The following PRKAR2A variants were observed in gnomAD, a reference collection of about 807,000 sequenced individuals.
PRKAR2A encodes the protein protein kinase cAMP-dependent type II regulatory subunit alpha.
PRKAR2A carries 29 observed loss-of-function variants against 51.9 expected under a neutral mutation model. The observed-to-expected ratio is 0.56, with a 90% CI of 0.42 to 0.76. PRKAR2A has a LOEUF of 0.76. Among genes scored for constraint, PRKAR2A ranks in the 30% least tolerant of loss-of-function variants. The pLI is 0.00. For missense variants in PRKAR2A, 445 were observed against 512.1 expected, an observed-to-expected ratio of 0.87 and a Z score of 1.26; for synonymous variants, 178 against 186.2, an observed-to-expected ratio of 0.96 and a Z score of 0.36.
chr3:48,838,626 A>G (rs2083324443), intron 1 of PRKAR2A, among the ~76,000 whole-genome samples: 9 of 146,556 alleles, frequency 6.1e-5, no homozygotes, highest in Admixed American at 6.0e-4. Context: ...AAAAGAAAAA[A>G]GAAAAGAAAA....
intron 1 of PRKAR2A, among the ~76,000 whole-genome samples, chr3:48,842,704 G>A (rs2107470019): frequency 6.6e-6 from 1 of 152,144 alleles, no homozygotes; most frequent in South Asian, 2.1e-4. Context: ...CTGTTTATAT[G>A]CTGGATTACA....
chr3:48,799,565 A>G (rs1054818680), intron 2 of PRKAR2A, among the ~76,000 whole-genome samples: 1 of 152,236 alleles, frequency 6.6e-6, no homozygotes, highest in Non-Finnish European at 1.5e-5. Context: ...AAAATATTGC[A>G]TACTATGAAA....
rs764881380 is a variant in PRKAR2A, at chr3:48,773,112, G to A, written c.543-4C>T. 6.3e-7 allele frequency: 1 copy of A among 1,596,030 alleles called. No individual in the cohort carries two copies. The highest frequency in any genetic ancestry group is 8.6e-7 in the Non-Finnish European group (1 of 1,167,062). On this transcript the variant is annotated splice_region_variant and splice_polypyrimidine_tract_variant and intron_variant, in intron 5 of 10. Coordinates refer to ENST00000265563, the MANE Select transcript of PRKAR2A (RefSeq NM_004157.4). ...TACTAAAATGTCATAAGTTCCCCTA[G>A]AAGAATGACAAAGAATAATTTAATT...
intron 1 of PRKAR2A, among the ~76,000 whole-genome samples, chr3:48,825,290 G>A (rs774006608): frequency 6.6e-6 from 1 of 151,910 alleles, no homozygotes; most frequent in African/African-American, 2.4e-5. Context: ...TTAGAGGCAT[G>A]AGGCCACCAC....
At chr3:48,845,912 C>G (rs1400675923) in intron 1 of PRKAR2A, among the ~76,000 whole-genome samples, 1 of 151,636 alleles carries the variant, frequency 6.6e-6, no homozygotes, top group Admixed American at 6.6e-5. Flanking sequence ...TGCCACTACA[C>G]CCCAGCCTGG....
rs557139745 is a variant in PRKAR2A, at chr3:48,773,012, G to A, written c.639C>T (p.Tyr213=). 117 of 1,613,800 alleles carry A rather than the reference G, an allele frequency of 7.2e-5. 3 individuals carry two copies. In the South Asian group the frequency reaches 1.2e-3, roughly 17 times the overall value. Residue 213 remains tyrosine, a synonymous_variant, in exon 6 of 11, where the codon TAC becomes TAT. Transcript: ENST00000265563. ...CAATGGTAGCAGCTCTCGGGGTGTTGTACATCAGAGCTAGTTCTCCAAAAC... is the reference window on the plus strand; with the variant it reads ...CAATGGTAGCAGCTCTCGGGGTGTTATACATCAGAGCTAGTTCTCCAAAAC... The part of the protein sequence containing the change: ...RGSFGELALM[Y]NTPRAATIVA...
chr3:48,804,855 T>C (rs144926063), intron 2 of PRKAR2A, among the ~76,000 whole-genome samples: 3 of 152,262 alleles, frequency 2.0e-5, no homozygotes, highest in Admixed American at 2.0e-4. Flanking sequence ...CTGGGGATTG[T>C]TAGATGACTA....
downstream of PRKAR2A, among the ~76,000 whole-genome samples, chr3:48,745,685 T>C (rs1287272296): frequency 1.3e-5 from 2 of 151,866 alleles, no homozygotes; most frequent in Non-Finnish European, 2.9e-5. Flanking sequence ...ATTATAGGAA[T>C]GTGCCACCAT....
intron 9 of PRKAR2A, among the ~76,000 whole-genome samples, chr3:48,752,916 C>CTTTTTTTTTTTT (rs59163654): frequency 4.2e-5 from 2 of 47,500 alleles, no homozygotes; most frequent in African/African-American, 9.8e-5. Context: ...TTCCCTCCTC[C>CTTTTTTTTTTTT]TTTTTTTTTT....
intron 8 of PRKAR2A, among the ~76,000 whole-genome samples, chr3:48,763,067 G>T (rs1438038350): frequency 1.3e-5 from 2 of 152,162 alleles, no homozygotes; most frequent in African/African-American, 4.8e-5. Context: ...AAACTCTTCC[G>T]ATTTGTACAC....
intron 1 of PRKAR2A, among the ~76,000 whole-genome samples, chr3:48,822,560 T>C (rs2082985046): frequency 6.6e-6 from 1 of 152,148 alleles, no homozygotes; most frequent in South Asian, 2.1e-4. Flanking sequence ...GCCATTTTCA[T>C]TTTCCTAAGA....
chr3:48,837,953 CG>C (rs1238581211), intron 1 of PRKAR2A, among the ~76,000 whole-genome samples: 1 of 151,822 alleles, frequency 6.6e-6, no homozygotes, highest in Non-Finnish European at 1.5e-5. Context: ...CTGAGGCAGG[CG>C]GATCACAAGG....
chr3:48,805,786 T>C (rs1332252150), intron 2 of PRKAR2A, among the ~76,000 whole-genome samples: 1 of 152,250 alleles, frequency 6.6e-6, no homozygotes, highest in Non-Finnish European at 1.5e-5. Flanking sequence ...AAAAATCTTT[T>C]ATTTTCATTT....
At chr3:48,823,445 A>T (rs1165858404) in intron 1 of PRKAR2A, among the ~76,000 whole-genome samples, 2 of 152,018 alleles carry the variant, frequency 1.3e-5, no homozygotes, top group South Asian at 2.1e-4. Context: ...GTGGAGGAAA[A>T]AAAAACACAT....
intron 2 of PRKAR2A, among the ~76,000 whole-genome samples, chr3:48,796,602 C>T (rs990458855): frequency 6.6e-6 from 1 of 151,868 alleles, no homozygotes; most frequent in African/African-American, 2.4e-5. Flanking sequence ...TCAAGCGATT[C>T]TCCTGCTTCA....
chr3:48,777,474 C>G, intron 5 of PRKAR2A, among the ~76,000 whole-genome samples: 1 of 152,102 alleles, frequency 6.6e-6, no homozygotes, highest in South Asian at 2.1e-4. Context: ...GGCATGATCT[C>G]GGCTCACTGT....
Position 48,749,504 on chromosome 3 carries a change from T to C in PRKAR2A, c.*2081A>G, listed in dbSNP as rs1320966950. 4 of 151,522 alleles carry C rather than the reference T, an allele frequency of 2.6e-5. No homozygotes were observed. The highest frequency in any genetic ancestry group is 3.4e-3 in the Middle Eastern group (1 of 296). The allele number at this position is 151,522 out of a possible 1,614,324, so 9.4% of individuals were successfully genotyped here. The stretch of plus-strand genomic sequence containing the variant: ...CCAAATTTTTTTTTTTTTTTTGAGA[T>C]GGAGTCTTGCACTGTCACCCGGGGT... On this transcript the variant is annotated 3_prime_UTR_variant, in exon 11 of 11. Transcript: ENST00000265563.
At chr3:48,766,388 T>G (rs1285578484) in intron 6 of PRKAR2A, among the ~76,000 whole-genome samples, 1 of 150,738 alleles carries the variant, frequency 6.6e-6, no homozygotes, top group Non-Finnish European at 1.5e-5. Flanking sequence ...TGCAACATGG[T>G]GAAACCCCAT....
chr3:48,778,982 T>C (rs1200476504), intron 5 of PRKAR2A, among the ~76,000 whole-genome samples: 18 of 152,114 alleles, frequency 1.2e-4, no homozygotes, highest in Admixed American at 1.2e-3. Context: ...CCCACCACCA[T>C]GTCCAGCTAA....
Sources: gnomAD v4.1 joint callset for allele counts (sites outside exome capture counted in the v4.1 genomes callset) on GRCh38, gnomAD v4.1.1 for gene constraint, MANE v1.5 for transcripts, NCBI Gene and HGNC (gene_info 2026-07-23, HGNC 2026-07-21) for gene names.